The following IFTAP variants were observed in gnomAD, a reference collection of about 807,000 sequenced individuals.
The protein encoded by IFTAP is intraflagellar transport-associated protein.
A neutral mutation model predicts 19.4 loss-of-function variants in IFTAP; 19 were observed. The observed-to-expected ratio is 0.98, with a 90% CI of 0.68 to 1.44. The LOEUF (loss-of-function observed/expected upper bound fraction) is 1.44, where lower values mean the gene tolerates loss of function less well. Among genes scored for constraint, IFTAP ranks in the 40% most tolerant of loss-of-function variants. The probability of loss-of-function intolerance (pLI) is 0.00; values close to 1 mark genes in which losing one functional copy is unlikely to be tolerated. For missense variants in IFTAP, 240 were observed against 253.6 expected (o/e 0.95, Z 0.36); for synonymous variants, 85 against 83.5 (o/e 1.02, Z -0.10).
Position 36,626,318 on chromosome 11 carries a change from G to T in IFTAP, c.137-6966G>T, listed in dbSNP as rs117722512. Among the ~76,000 whole-genome samples, 508 of 151,456 alleles carry T rather than the reference G, an allele frequency of 3.4e-3. 7 individuals are homozygous for T. The highest frequency in any genetic ancestry group is 5.3e-3 in the Non-Finnish European group (361 of 68,026). On this transcript the variant is annotated intron_variant, in intron 2 of 5. Coordinates refer to ENST00000334307, the MANE Select transcript of IFTAP (RefSeq NM_138787.4). ...TACATTCTTAAACATGGAAATGTGA[G>T]CTGAAAGATATGTAAAGTGTTATGT...
intron 1 of IFTAP, among the ~76,000 whole-genome samples, chr11:36,596,730 T>TA (rs1851278361): frequency 1.3e-5 from 2 of 152,232 alleles, no homozygotes; most frequent in African/African-American, 4.8e-5. Flanking sequence ...AGGCAAGCCA[T>TA]ACAGTGGTAA....
intron 4 of IFTAP, among the ~76,000 whole-genome samples, chr11:36,638,655 A>T (rs1485924605): frequency 1.3e-5 from 2 of 152,222 alleles, no homozygotes; most frequent in Non-Finnish European, 2.9e-5. Flanking sequence ...TTTATATCAG[A>T]TGGGAAATGT....
At chr11:36,617,693 C>G (rs1158851536) in intron 2 of IFTAP, among the ~76,000 whole-genome samples, 1 of 151,952 alleles carries the variant, frequency 6.6e-6, no homozygotes, top group East Asian at 1.9e-4. Flanking sequence ...ATTTTAGATT[C>G]ATTTATGGAT....
At chr11:36,631,800 A>G (rs1001949015) in intron 2 of IFTAP, among the ~76,000 whole-genome samples, 2 of 149,650 alleles carry the variant, frequency 1.3e-5, no homozygotes, top group African/African-American at 5.1e-5. Context: ...TCACTCTTTT[A>G]CTCTTTTAGT....
At chr11:36,636,597 G>C (rs1391552239) in intron 4 of IFTAP, among the ~76,000 whole-genome samples, 1 of 152,172 alleles carries the variant, frequency 6.6e-6, no homozygotes, top group African/African-American at 2.4e-5. Context: ...CTAATGTCAA[G>C]GCCTTCCCAC....
intron 4 of IFTAP, among the ~76,000 whole-genome samples, chr11:36,642,464 T>G (rs971741172): frequency 1.3e-5 from 2 of 152,074 alleles, no homozygotes; most frequent in Admixed American, 1.3e-4. Flanking sequence ...CTGAAACTAT[T>G]CCAATGAATA....
intron 5 of IFTAP, among the ~76,000 whole-genome samples, chr11:36,651,052 A>G (rs1248719090): frequency 2.0e-5 from 3 of 152,156 alleles, no homozygotes; most frequent in African/African-American, 7.2e-5. Context: ...ATGATTTATA[A>G]TCCTTTGGGT....
chr11:36,621,241 C>G (rs946392324), intron 2 of IFTAP, among the ~76,000 whole-genome samples: 18 of 151,966 alleles, frequency 1.2e-4, no homozygotes, highest in Non-Finnish European at 1.3e-4. Flanking sequence ...TGTTTCAGAT[C>G]TGAATGGTTT....
rs2133455036 is a variant in IFTAP, at chr11:36,633,444, A to G, written c.291+6A>G. 1 of 1,572,834 alleles carries G rather than the reference A, an allele frequency of 6.4e-7. No individual in the cohort carries two copies. Among genetic ancestry groups the G allele is most frequent in the East Asian group, 2.3e-5 (1 of 43,906 alleles). On this transcript the variant is annotated splice_donor_region_variant and intron_variant, in intron 3 of 5. Transcript: ENST00000334307. Reference sequence around the variant, plus strand: ...CACAATGTTTGGAAGAACAGGTAATACCAACATAGTACATGTATAGAAACA... The same window carrying G: ...CACAATGTTTGGAAGAACAGGTAATGCCAACATAGTACATGTATAGAAACA...
At chr11:36,638,033 G>C (rs1853025761) in intron 4 of IFTAP, among the ~76,000 whole-genome samples, 1 of 151,758 alleles carries the variant, frequency 6.6e-6, no homozygotes, top group Non-Finnish European at 1.5e-5. Context: ...GGTGCATGCT[G>C]CCATGCCTGG....
intron 5 of IFTAP, among the ~76,000 whole-genome samples, chr11:36,650,768 A>C (rs182823050): frequency 0.01 from 1,531 of 150,010 alleles, 25 homozygotes; most frequent in African/African-American, 0.034. Context: ...AAGTGTTCTC[A>C]TTGTTCAATT....
In IFTAP at chr11:36,619,314, G is replaced by A. The variant is rs142216311; in HGVS notation, c.136+9075G>A. Among the ~76,000 whole-genome samples the A allele has an allele frequency of 1.2e-4, 18 of 152,026 alleles. No individual in the cohort carries two copies. In the East Asian group the frequency reaches 3.1e-3, roughly 26 times the overall value. On this transcript the variant is annotated intron_variant, in intron 2 of 5. Transcript: ENST00000334307. ...ACAGCACATAAAACAACACATTTCC[G>A]AAGTTGACGTATCATCTTGGTCCCC...
At chr11:36,626,152 A>T (rs1246053326) in intron 2 of IFTAP, among the ~76,000 whole-genome samples, 4 of 151,276 alleles carry the variant, frequency 2.6e-5, no homozygotes, top group Admixed American at 6.6e-5. Flanking sequence ...CTTTGGATAC[A>T]TTTCCACCCA....
chr11:36,647,980 G>T (rs373399875), intron 4 of IFTAP, 36 bp from the exon 5 acceptor site: 10 of 1,598,466 alleles, frequency 6.3e-6, no homozygotes, highest in Non-Finnish European at 8.5e-6. Flanking sequence ...TGTGAACTTT[G>T]CGAAAGGCTC....
At chr11:36,651,064 T>A (rs1271587035) in intron 5 of IFTAP, among the ~76,000 whole-genome samples, 3 of 152,350 alleles carry the variant, frequency 2.0e-5, no homozygotes, top group Middle Eastern at 6.8e-3. Flanking sequence ...CCTTTGGGTA[T>A]ATACCCAGTA....
intron 1 of IFTAP, among the ~76,000 whole-genome samples, chr11:36,599,253 C>T (rs1851411311): frequency 6.6e-6 from 1 of 152,218 alleles, no homozygotes; most frequent in South Asian, 2.1e-4. Context: ...CTTGGCCTCC[C>T]AAAGTGCTGG....
intron 1 of IFTAP, among the ~76,000 whole-genome samples, chr11:36,596,336 C>T (rs1210819384): frequency 6.7e-6 from 1 of 149,344 alleles, no homozygotes; most frequent in Non-Finnish European, 1.5e-5. Context: ...AGGGGGTGAT[C>T]TTTCAACAAT....
Position 36,651,985 on chromosome 11 carries a change from G to A in IFTAP, c.498+3830G>A, listed in dbSNP as rs184652632. ...GTAGTATAGTTTGAAGTCAGGTAGC[G>A]TGATGCCTCCAGCTTTGTTCTTTGG... On this transcript the variant is annotated intron_variant, in intron 5 of 5. Transcript: ENST00000334307. Among the ~76,000 whole-genome samples, 721 of 152,236 alleles carry A rather than the reference G, an allele frequency of 4.7e-3. 4 individuals are homozygous for A. The highest frequency in any genetic ancestry group is 0.016 in the African/African-American group (661 of 41,554).
At chr11:36,596,171 G>A (rs1167214709) in intron 1 of IFTAP, among the ~76,000 whole-genome samples, 1 of 147,250 alleles carries the variant, frequency 6.8e-6, no homozygotes, top group African/African-American at 2.5e-5. Flanking sequence ...AGATTCCTTG[G>A]ACTATTTAGA....
Sources: allele counts gnomAD v4.1 joint callset (sites outside exome capture counted in the v4.1 genomes callset), GRCh38; gene constraint gnomAD v4.1.1; transcripts MANE v1.5; gene names NCBI Gene and HGNC (gene_info 2026-07-23, HGNC 2026-07-21).